Variants in GCLC observed in about 807,000 individuals in gnomAD.
The protein encoded by GCLC is glutamate--cysteine ligase catalytic subunit.
Under a neutral mutation model 81.5 loss-of-function variants are expected in GCLC, and 30 were observed. The ratio of observed to expected loss-of-function variants is 0.37; its 90% confidence interval spans 0.28 to 0.50. The LOEUF (loss-of-function observed/expected upper bound fraction) is 0.50, where lower values mean the gene tolerates loss of function less well. Among genes scored for constraint, GCLC ranks in the 20% least tolerant of loss-of-function variants. The pLI is 0.96. For missense variants in GCLC, 556 were observed against 777.4 expected, an observed-to-expected ratio of 0.72 and a Z score of 3.39; for synonymous variants, 262 against 273.3, an observed-to-expected ratio of 0.96 and a Z score of 0.41.
chr6:53,515,437 T>C (rs1424044099), intron 4 of GCLC, among the ~76,000 whole-genome samples: 7 of 152,262 alleles, frequency 4.6e-5, no homozygotes, highest in Non-Finnish European at 5.9e-5. Flanking sequence ...AAACTACGTC[T>C]ACAAATATCT....
chr6:53,503,285 A>G (rs1764547970), intron 12 of GCLC: 1 of 152,392 alleles, frequency 6.6e-6, no homozygotes, highest in Admixed American at 6.5e-5. Flanking sequence ...CCACACACCG[A>G]AACTGCCGGT....
intron 2 of GCLC, among the ~76,000 whole-genome samples, chr6:53,522,196 T>C (rs1389522052): frequency 6.6e-6 from 1 of 152,212 alleles, no homozygotes; most frequent in Admixed American, 6.5e-5. Flanking sequence ...GATCTTTACT[T>C]TACAGATGAG....
intron 15 of GCLC, among the ~76,000 whole-genome samples, chr6:53,499,196 C>T (rs902478431): frequency 6.6e-6 from 1 of 152,112 alleles, no homozygotes; most frequent in African/African-American, 2.4e-5. Flanking sequence ...CATCCAGTTT[C>T]TATGGTACCT....
At chr6:53,529,929 G>C (rs1763144936) in intron 1 of GCLC, among the ~76,000 whole-genome samples, 1 of 152,238 alleles carries the variant, frequency 6.6e-6, no homozygotes, top group South Asian at 2.1e-4. Flanking sequence ...GCCCCGCTCA[G>C]GGCCTGATAC....
chr6:53,513,935 T>C (rs1302027959), intron 6 of GCLC: 3 of 426,032 alleles, frequency 7.0e-6, no homozygotes, highest in East Asian at 8.3e-5. Context: ...CAGAATATAT[T>C]GCATTTTAAG....
intron 15 of GCLC, 76 bp from the exon 16 acceptor site, chr6:53,499,043 C>T (rs1405473828): frequency 1.1e-6 from 1 of 870,768 alleles, no homozygotes; most frequent in African/African-American, 1.7e-5. Flanking sequence ...ATTTAGTGGT[C>T]AGCATAAACA....
chr6:53,506,751 A>G lies in GCLC; in HGVS notation c.1197+162T>C. 1.6e-6 allele frequency: 1 copy of G among 632,656 alleles called. No homozygotes were observed. Among genetic ancestry groups the G allele is most frequent in the South Asian group, 1.9e-5 (1 of 52,090 alleles). 39.2% of individuals were successfully genotyped at this position (632,656 alleles called of 1,614,324 possible). On this transcript the variant is annotated intron_variant, in intron 10 of 15. Coordinates refer to ENST00000650454, the MANE Select transcript of GCLC (RefSeq NM_001498.4). This position sits in a 1 kb window ranked among gnomAD's most constrained non-coding sequence, Gnocchi z 4.0. ...TTTATTTGTCCAAGTTCTTTACTGC[A>G]CTGGGTAAATGAAAGTCTTATGAAA...
intron 1 of GCLC, among the ~76,000 whole-genome samples, chr6:53,527,189 T>C (rs954555118): frequency 7.2e-5 from 11 of 152,232 alleles, no homozygotes; most frequent in African/African-American, 2.4e-4. Context: ...GGCAAGACAG[T>C]GAAGGGCTCC....
Position 53,514,198 on chromosome 6 carries a change from CTA to C in GCLC, c.753+4_753+5del. 1 of 1,613,420 alleles carries C rather than the reference CTA, an allele frequency of 6.2e-7. No homozygotes were observed. Among genetic ancestry groups the C allele is most frequent in the Non-Finnish European group, 8.5e-7 (1 of 1,179,362 alleles). On this transcript the variant is annotated splice_donor_5th_base_variant and intron_variant, in intron 6 of 15. Coordinates refer to ENST00000650454, the MANE Select transcript of GCLC (RefSeq NM_001498.4). ...ACTTTGCCTCTCTGTATATTTGAAACTATACCTGGAGACAGCAATTGCCCATT... is the reference window on the plus strand; with the variant it reads ...ACTTTGCCTCTCTGTATATTTGAAACTACCTGGAGACAGCAATTGCCCATT...
intron 6 of GCLC, among the ~76,000 whole-genome samples, chr6:53,510,654 G>A (rs913142455): frequency 5.9e-5 from 9 of 152,274 alleles, no homozygotes; most frequent in African/African-American, 2.2e-4. Flanking sequence ...TAATTTCAGT[G>A]TTTAAGACTT....
In GCLC at chr6:53,541,607, A is replaced by AG. The variant is rs1763356586; in HGVS notation, c.150+2888dup. 2.0e-5 allele frequency among the ~76,000 whole-genome samples: 3 copies of AG among 151,966 alleles called. No homozygotes were observed. The South Asian group carries it at 6.2e-4, about 32-fold the overall frequency. On this transcript the variant is annotated intron_variant, in intron 1 of 15. Coordinates refer to ENST00000650454, the MANE Select transcript of GCLC (RefSeq NM_001498.4). ...CTCCAAAAGACATTAATATGTTAGT[A>AG]GGGTGGGGGGGCGGTGGGGGAACAA...
intron 3 of GCLC, among the ~76,000 whole-genome samples, chr6:53,517,249 G>GT (rs201960255): frequency 0.23 from 16,618 of 72,624 alleles, 3,357 homozygotes; most frequent in Non-Finnish European, 0.26. Context: ...ACTGTACCAA[G>GT]TTTTTTTTTT....
At chr6:53,540,435 C>T (rs999069331) in intron 1 of GCLC, among the ~76,000 whole-genome samples, 1 of 151,684 alleles carries the variant, frequency 6.6e-6, no homozygotes, top group South Asian at 2.1e-4. Context: ...CTGCTTAATT[C>T]TACTTATATC....
intron 6 of GCLC, chr6:53,509,657 T>C (rs1764695994): frequency 4.1e-6 from 1 of 245,182 alleles, no homozygotes; most frequent in Non-Finnish European, 8.0e-6. Context: ...TTTCTTCCTT[T>C]TATTTTTTTG....
chr6:53,507,110 G>A (rs1364902766), intron 9 of GCLC, 85 bp from the exon 10 acceptor site: 2 of 809,640 alleles, frequency 2.5e-6, no homozygotes, highest in Non-Finnish European at 2.2e-6. Context: ...GGATAGCTCA[G>A]GAAGTTTGAA....
rs186291728 is a variant in GCLC at position 53,506,892 on chromosome 6, A to G, written c.1197+21T>C. The stretch of plus-strand genomic sequence containing the variant: ...TCAGAAGTCAATACATAAATAAATA[A>G]AAATAAAACTGAGAAGATACCTCAA... On this transcript the variant is annotated intron_variant, in intron 10 of 15. Transcript: ENST00000650454. The surrounding 1 kb of genome is among the most constrained non-coding windows in gnomAD (Gnocchi z 4.0). 6.9e-4 allele frequency: 856 copies of G among 1,232,020 alleles called. 1 individual carries two copies. The highest frequency in any genetic ancestry group is 9.5e-4 in the Non-Finnish European group (793 of 832,686). 76.3% of individuals were successfully genotyped at this position (1,232,020 alleles called of 1,614,324 possible).
Position 53,509,188 on chromosome 6 carries a change from G to C in GCLC, c.816C>G (p.Ile272Met), listed in dbSNP as rs776853994. 6.3e-7 allele frequency: 1 copy of C among 1,581,460 alleles called. No individual in the cohort carries two copies. The highest frequency in any genetic ancestry group is 8.7e-7 in the Non-Finnish European group (1 of 1,150,210). The change falls in exon 7 of 16, where the codon ATC (isoleucine) becomes ATG (methionine). Residue 272 changes from isoleucine to methionine, a missense_variant. Ile to Met is a conservative substitution (Grantham distance 10). Around this residue, in one of 3 missense-constraint regions of GCLC, gnomAD observed 313 missense variants for 437.3 expected, o/e 0.72. Transcript: ENST00000650454. ...AATTTCTACTTACAACAATTGGACA[G>C]ATAGTAGCCAACTGATCATAAAGGT... is the stretch of plus-strand genomic sequence containing the variant. ...ARYLYDQLAT[I>M]CPIVMALSAA... is the part of the protein sequence containing the mutation.
Position 53,516,176 on chromosome 6 carries a change from C to A in GCLC, c.493G>T (p.Val165Leu), listed in dbSNP as rs1764867071. ...AGGGACTTGGAAGCTCCTCCTTCCA[C>A]TGGGTTGGGTTTGACCTCGGGCAGT... The part of the protein sequence containing the change: ...FTLPEVKPNP[V>L]EGGASKSLFF... Residue 165 changes from valine to leucine, a missense_variant, in exon 4 of 16, where the codon GTG becomes TTG. Around this residue, in one of 3 missense-constraint regions of GCLC, gnomAD observed 234 missense variants for 303.8 expected, o/e 0.77. Coordinates refer to ENST00000650454, the MANE Select transcript of GCLC (RefSeq NM_001498.4). 2 of 1,613,962 alleles carry A rather than the reference C, an allele frequency of 1.2e-6. No homozygotes were observed. The highest frequency in any genetic ancestry group is 4.5e-5 in the East Asian group (2 of 44,882).
In GCLC at chr6:53,544,650, G is replaced by GCCC. The variant is rs2127633132; in HGVS notation, c.-8_-6dup. On this transcript the variant is annotated 5_prime_UTR_variant, in exon 1 of 16. Transcript: ENST00000650454. Reference sequence around the variant, plus strand: ...GCCCTGGGACAGCAGCCCCATGGCCGCCCCCTCCTCCTCCTCCTCCTCCTC... The same window carrying GCCC: ...GCCCTGGGACAGCAGCCCCATGGCCGCCCCCCCCTCCTCCTCCTCCTCCTCCTC... The GCCC allele has an allele frequency of 4.1e-6, 6 of 1,467,446 alleles. No homozygotes were observed. Among genetic ancestry groups the GCCC allele is most frequent in the Non-Finnish European group, 5.4e-6 (6 of 1,105,700 alleles). 90.9% of individuals were successfully genotyped at this position (1,467,446 alleles called of 1,614,324 possible). A position where few individuals can be genotyped will look rare whatever the true frequency, so the allele number is the denominator to read the frequency against.
Sources: allele counts gnomAD v4.1 joint callset (sites outside exome capture counted in the v4.1 genomes callset), GRCh38; gene constraint gnomAD v4.1.1; regional missense constraint gnomAD v4.1.1; non-coding constraint Gnocchi (gnomAD v3.1); transcripts MANE v1.5; gene names NCBI Gene and HGNC (gene_info 2026-07-23, HGNC 2026-07-21).